UST: variants seen among roughly 807,000 people sequenced by gnomAD.
The protein encoded by UST is uronyl 2-sulfotransferase, also known as chondroitin sulfate 2-O-sulfotransferase.
UST carries 21 observed loss-of-function variants against 45.6 expected under a neutral mutation model. The ratio of observed to expected loss-of-function variants is 0.46; its 90% CI spans 0.33 to 0.66. The LOEUF (loss-of-function observed/expected upper bound fraction) is 0.66. Among genes scored for constraint, UST ranks in the 30% least tolerant of loss-of-function variants. The pLI is 0.02. For missense variants in UST, 463 were observed against 512.4 expected, an observed-to-expected ratio of 0.90 and a Z score of 0.93; for synonymous variants, 215 against 200.6, an observed-to-expected ratio of 1.07 and a Z score of -0.61.
intron 1 of UST, among the ~76,000 whole-genome samples, chr6:148,788,782 T>A (rs1027945942): frequency 6.6e-6 from 1 of 152,238 alleles, no homozygotes; most frequent in African/African-American, 2.4e-5. Flanking sequence ...TTATTACAAA[T>A]GTTCAGTAAC....
At chr6:148,986,494 C>G (rs939041757) in intron 5 of UST, among the ~76,000 whole-genome samples, 5 of 152,192 alleles carry the variant, frequency 3.3e-5, no homozygotes, top group African/African-American at 1.2e-4. Flanking sequence ...GACACAAAGA[C>G]AGTAGCTTGA....
At chr6:148,811,531 A>G (rs963425129) in intron 1 of UST, among the ~76,000 whole-genome samples, 9 of 152,214 alleles carry the variant, frequency 5.9e-5, no homozygotes, top group Non-Finnish European at 1.2e-4. Context: ...TGCTTAGCAC[A>G]TTCCCTAAAA....
intron 5 of UST, among the ~76,000 whole-genome samples, chr6:148,992,738 C>T (rs1234844804): frequency 2.6e-5 from 4 of 152,002 alleles, no homozygotes; most frequent in African/African-American, 9.7e-5. Flanking sequence ...CTTCATGGCC[C>T]CAGAGACCTA....
rs915210894 is a variant in UST at position 148,847,809 on chromosome 6, T to C, written c.248-39177T>C. 3.3e-5 allele frequency among the ~76,000 whole-genome samples: 5 copies of C among 152,366 alleles called. No individual in the cohort carries two copies. The East Asian group carries it at 9.6e-4, about 29-fold the overall frequency. ...CAGAGAGCCTGTTCTGGGTAAATTA[T>C]CTGCAGTTCATGTTCACTGGCACAG... is the stretch of plus-strand genomic sequence containing the variant. On this transcript the variant is annotated intron_variant, in intron 1 of 7. Transcript: ENST00000367463.
rs570092621 is a variant in UST at position 148,752,914 on chromosome 6, C to G, written c.247+5237C>G. Among the ~76,000 whole-genome samples the G allele has an allele frequency of 1.8e-4, 27 of 152,078 alleles. 1 individual carries two copies. In the South Asian group the frequency reaches 5.4e-3, roughly 30 times the overall value. On this transcript the variant is annotated intron_variant, in intron 1 of 7. Transcript: ENST00000367463. ...TTGTTTTTTGGAAAGAAGACTTGAC[C>G]ACAAATTAATTTTGTCATAAATATA...
At chr6:149,034,834 TTCTCTCTCTCTCTC>T (rs60813679) in intron 7 of UST, among the ~76,000 whole-genome samples, 4,141 of 45,166 alleles carry the variant, frequency 0.092, 170 homozygotes, top group Admixed American at 0.13. Flanking sequence ...TTCATGCTCA[TTCTCTCTCTCTCTC>T]TCTCTCTCTC....
chr6:148,801,183 T>C (rs1016782214), intron 1 of UST, among the ~76,000 whole-genome samples: 2 of 152,196 alleles, frequency 1.3e-5, no homozygotes. Flanking sequence ...ATTGTGTCTA[T>C]TGATGCATTC....
At chr6:148,856,733 A>G (rs1340686602) in intron 1 of UST, among the ~76,000 whole-genome samples, 2 of 152,172 alleles carry the variant, frequency 1.3e-5, no homozygotes, top group East Asian at 3.9e-4. Context: ...ACTAGAATAG[A>G]AAAATGACAG....
At chr6:148,782,737 GC>G (rs1330396036) in intron 1 of UST, among the ~76,000 whole-genome samples, 5 of 152,198 alleles carry the variant, frequency 3.3e-5, no homozygotes, top group African/African-American at 1.2e-4. Flanking sequence ...ACAGACATGA[GC>G]CACAGTGCCC....
intron 1 of UST, among the ~76,000 whole-genome samples, chr6:148,876,035 A>G (rs1037971789): frequency 6.6e-6 from 1 of 152,184 alleles, no homozygotes; most frequent in Non-Finnish European, 1.5e-5. Context: ...TGACTAGGTA[A>G]TTTATAAAGA....
At chr6:148,931,917 G>A (rs999103109) in intron 2 of UST, among the ~76,000 whole-genome samples, 1 of 152,196 alleles carries the variant, frequency 6.6e-6, no homozygotes, top group African/African-American at 2.4e-5. Flanking sequence ...AGGAAGACAA[G>A]TCCCACTTGG....
intron 7 of UST, among the ~76,000 whole-genome samples, chr6:149,029,934 A>G (rs1776115260): frequency 6.7e-6 from 1 of 149,876 alleles, no homozygotes; most frequent in Admixed American, 6.7e-5. Context: ...CCCATGTTCA[A>G]ACAACTAGAC....
At chr6:148,987,725 A>G (rs901497153) in intron 5 of UST, among the ~76,000 whole-genome samples, 2 of 152,178 alleles carry the variant, frequency 1.3e-5, no homozygotes, top group African/African-American at 4.8e-5. Flanking sequence ...ACCGTGTGAC[A>G]GGCACATTTT....
intron 2 of UST, among the ~76,000 whole-genome samples, chr6:148,905,481 C>T (rs1779337980): frequency 6.6e-6 from 1 of 152,192 alleles, no homozygotes; most frequent in African/African-American, 2.4e-5. Flanking sequence ...AGAGCAAAAC[C>T]AGCTGGACCT....
rs1398990219 is a variant in UST at position 148,790,098 on chromosome 6, C to T, written c.247+42421C>T. Among the ~76,000 whole-genome samples, 1 of 148,882 alleles carries T rather than the reference C, an allele frequency of 6.7e-6. No individual in the cohort carries two copies. The highest frequency in any genetic ancestry group is 1.5e-5 in the Non-Finnish European group (1 of 67,756). ...GGGAATAATGCATTCGCATTGCTAT[C>T]GTAGTTATCCTTGCAGCGGTGTCAG... is the stretch of plus-strand genomic sequence containing the variant. On this transcript the variant is annotated intron_variant, in intron 1 of 7. Coordinates refer to ENST00000367463, the MANE Select transcript of UST (RefSeq NM_005715.3). The surrounding 1 kb of genome is among the most constrained non-coding windows in gnomAD (Gnocchi z 4.2).
chr6:148,884,908 C>T (rs1778886572), intron 1 of UST, among the ~76,000 whole-genome samples: 1 of 152,088 alleles, frequency 6.6e-6, no homozygotes, highest in African/African-American at 2.4e-5. Flanking sequence ...GACTCTTGGG[C>T]TTTGGCCTGA....
At chr6:148,786,269 G>A (rs1243318070) in intron 1 of UST, among the ~76,000 whole-genome samples, 2 of 152,026 alleles carry the variant, frequency 1.3e-5, no homozygotes, top group East Asian at 1.9e-4. Flanking sequence ...TGTGCAGGAT[G>A]TGCAGGTTCG....
At chr6:148,901,555 C>T (rs1779257999) in intron 2 of UST, among the ~76,000 whole-genome samples, 1 of 130,352 alleles carries the variant, frequency 7.7e-6, no homozygotes, top group African/African-American at 2.8e-5. Flanking sequence ...ACCCGTGTCA[C>T]TTTTTTTTTT....
At chr6:148,861,658 C>T (rs1224041857) in intron 1 of UST, among the ~76,000 whole-genome samples, 1 of 152,228 alleles carries the variant, frequency 6.6e-6, no homozygotes, top group Non-Finnish European at 1.5e-5. Context: ...TCCCTCTACA[C>T]ACTGCTTTAA....
Sources: allele counts gnomAD v4.1 joint callset (sites outside exome capture counted in the v4.1 genomes callset), GRCh38; gene constraint gnomAD v4.1.1; non-coding constraint Gnocchi (gnomAD v3.1); transcripts MANE v1.5; gene names NCBI Gene and HGNC (gene_info 2026-07-23, HGNC 2026-07-21).